Variants in ZC3H3 observed in about 807,000 individuals in gnomAD.
ZC3H3 encodes zinc finger CCCH domain-containing protein 3.
A neutral mutation model predicts 77.3 loss-of-function variants in ZC3H3; 36 were observed. The ratio of observed to expected loss-of-function variants is 0.47; its 90% CI spans 0.36 to 0.61. The LOEUF (loss-of-function observed/expected upper bound fraction) is 0.61. ZC3H3 is among the 20% of genes least tolerant of loss of function. The probability of loss-of-function intolerance (pLI) is 0.00; values close to 1 mark genes in which losing one functional copy is unlikely to be tolerated. For synonymous variants in ZC3H3, 626 were observed against 555.2 expected, an observed-to-expected ratio of 1.13 and a Z score of -1.79; for missense variants, 1,331 against 1,312.2, an observed-to-expected ratio of 1.01 and a Z score of -0.22.
chr8:143,498,107 C>T (rs1821406405), intron 4 of ZC3H3, among the ~76,000 whole-genome samples: 1 of 152,238 alleles, frequency 6.6e-6, no homozygotes, highest in Admixed American at 6.5e-5. Context: ...CTGGGCCACG[C>T]ACCGGGGCCC....
intron 9 of ZC3H3, among the ~76,000 whole-genome samples, chr8:143,457,932 GA>G (rs935370188): frequency 5.9e-5 from 9 of 151,314 alleles, no homozygotes; most frequent in African/African-American, 1.9e-4. Context: ...GAATGTAGAG[GA>G]AAAAAAACAG....
At position 143,494,821 on chromosome 8, in the gene ZC3H3, C is replaced by G. The variant is rs962654800; in HGVS notation, c.1715+12925G>C. On this transcript the variant is annotated intron_variant, in intron 4 of 11. Transcript: ENST00000262577. The surrounding 1 kb of genome is among the most constrained non-coding windows in gnomAD (Gnocchi z 5.3). The stretch of plus-strand genomic sequence containing the variant: ...AAGAATGAGGAGCCAGAATACCGGC[C>G]ACCAACGGGCAAACGGCCTGAGCAG... Among the ~76,000 whole-genome samples the G allele has an allele frequency of 1.1e-4, 16 of 152,234 alleles. No individual in the cohort carries two copies. The highest frequency in any genetic ancestry group is 2.4e-4 in the Non-Finnish European group (16 of 68,048).
In ZC3H3 at chr8:143,438,047, C is replaced by T; in HGVS notation, c.*9G>A. On this transcript the variant is annotated 3_prime_UTR_variant, in exon 12 of 12. Coordinates refer to ENST00000262577, the MANE Select transcript of ZC3H3 (RefSeq NM_015117.3). ...GTCTGAGGTAGGTGCAGGCCGGTCC[C>T]TGGGGTCCTCACAGACGTGGTTTGA... 1 of 1,610,550 alleles carries T rather than the reference C, an allele frequency of 6.2e-7. No homozygotes were observed. The highest frequency in any genetic ancestry group is 8.5e-7 in the Non-Finnish European group (1 of 1,178,670).
At chr8:143,513,737 G>A (rs1029814961) in intron 3 of ZC3H3, among the ~76,000 whole-genome samples, 1 of 152,222 alleles carries the variant, frequency 6.6e-6, no homozygotes, top group Non-Finnish European at 1.5e-5. Context: ...AGCTCTCGCT[G>A]TTCCTGGGAC....
intron 3 of ZC3H3, among the ~76,000 whole-genome samples, chr8:143,525,977 C>A (rs115222642): frequency 0.018 from 2,708 of 152,334 alleles, 78 homozygotes; most frequent in African/African-American, 0.061. Context: ...CATCGGCCTG[C>A]GGCTGGCCCA....
rs192191431 is a variant in ZC3H3 at position 143,460,933 on chromosome 8, G to C, written c.2307+4784C>G. ...AGGAGGCGCCTTCACTAACTAGTTA[G>C]GTGTCTAACTAGGGTTTGGGAAGCG... On this transcript the variant is annotated intron_variant, in intron 9 of 11. Coordinates refer to ENST00000262577, the MANE Select transcript of ZC3H3 (RefSeq NM_015117.3). This position sits in a 1 kb window ranked among gnomAD's most constrained non-coding sequence, Gnocchi z 4.0. Among the ~76,000 whole-genome samples, 45 of 152,282 alleles carry C rather than the reference G, an allele frequency of 3.0e-4. No individual in the cohort carries two copies. Among genetic ancestry groups the C allele is most frequent in the African/African-American group, 1.0e-3 (43 of 41,560 alleles).
intron 5 of ZC3H3, among the ~76,000 whole-genome samples, chr8:143,474,886 G>T (rs548819200): frequency 2.2e-4 from 34 of 152,334 alleles, no homozygotes; most frequent in Non-Finnish European, 4.4e-4. Flanking sequence ...AGACACAGTT[G>T]TCGAGGCGTC....
At chr8:143,443,974 CT>C (rs11316822) in intron 9 of ZC3H3, among the ~76,000 whole-genome samples, 81,296 of 137,594 alleles carry the variant, frequency 0.59, 23,658 homozygotes, top group Non-Finnish European at 0.64. Context: ...TCTTTTTTTC[CT>C]TTTTTTTTTT....
At chr8:143,470,758 G>C (rs1563845282) in intron 5 of ZC3H3, among the ~76,000 whole-genome samples, 2 of 152,244 alleles carry the variant, frequency 1.3e-5, no homozygotes. Context: ...GTTCTGACAA[G>C]AACAGGAGGC....
At chr8:143,486,225 G>A (rs568321637) in intron 4 of ZC3H3, among the ~76,000 whole-genome samples, 6 of 152,356 alleles carry the variant, frequency 3.9e-5, no homozygotes, top group East Asian at 1.9e-4. Context: ...ATGAGTTCCC[G>A]CCAGGCGCGG....
At chr8:143,496,273 C>T (rs1821348854) in intron 4 of ZC3H3, among the ~76,000 whole-genome samples, 1 of 152,214 alleles carries the variant, frequency 6.6e-6, no homozygotes, top group African/African-American at 2.4e-5. Flanking sequence ...AGGCCAAGAC[C>T]TTAGCACCAC....
intron 9 of ZC3H3, among the ~76,000 whole-genome samples, chr8:143,461,171 T>C (rs987585371): frequency 6.6e-6 from 1 of 152,192 alleles, no homozygotes; most frequent in Non-Finnish European, 1.5e-5. Flanking sequence ...TACACTAAAA[T>C]GGGTGAATTA....
At chr8:143,476,542 G>GCGGA (rs1323788970) in intron 4 of ZC3H3, among the ~76,000 whole-genome samples, 10 of 152,180 alleles carry the variant, frequency 6.6e-5, no homozygotes, top group Non-Finnish European at 1.0e-4. Flanking sequence ...CCACAGCCCT[G>GCGGA]CGGACCCTCG....
intron 4 of ZC3H3, among the ~76,000 whole-genome samples, chr8:143,482,293 G>A (rs1369892465): frequency 6.6e-6 from 1 of 152,268 alleles, no homozygotes; most frequent in Non-Finnish European, 1.5e-5. Flanking sequence ...CAGCACTGGG[G>A]AGGCCGGCCC....
Position 143,462,514 on chromosome 8 carries a change from G to C in ZC3H3, c.2307+3203C>G, listed in dbSNP as rs1185304000. 6.6e-6 allele frequency among the ~76,000 whole-genome samples: 1 copy of C among 152,264 alleles called. No individual in the cohort carries two copies. Among genetic ancestry groups the C allele is most frequent in the Non-Finnish European group, 1.5e-5 (1 of 68,050 alleles). ...ACAAAACCAAGACAGGCGCTGTCCA[G>C]AGGACACAGGAGCCCTTGCAAGCCT... is the stretch of plus-strand genomic sequence containing the variant. On this transcript the variant is annotated intron_variant, in intron 9 of 11. Transcript: ENST00000262577. The surrounding 1 kb of genome is among the most constrained non-coding windows in gnomAD (Gnocchi z 4.7).
At chr8:143,499,804 C>G (rs1210824248) in intron 4 of ZC3H3, among the ~76,000 whole-genome samples, 1 of 152,170 alleles carries the variant, frequency 6.6e-6, no homozygotes, top group African/African-American at 2.4e-5. Flanking sequence ...TGGCAAAGGC[C>G]CAAGCTCCCC....
intron 9 of ZC3H3, among the ~76,000 whole-genome samples, chr8:143,449,978 T>G (rs1819948906): frequency 6.6e-6 from 1 of 152,160 alleles, no homozygotes; most frequent in African/African-American, 2.4e-5. Context: ...CACAACAATT[T>G]AACAAGTCTC....
intron 8 of ZC3H3, 152 bp downstream of exon 8, chr8:143,468,057 T>A (rs142264947): frequency 1.1e-6 from 1 of 941,968 alleles, no homozygotes; most frequent in East Asian, 2.5e-5. Context: ...TGCAATGGGG[T>A]AGAGACGGTA....
At chr8:143,441,152 C>T (rs1490515429) in intron 9 of ZC3H3, 32 bp from the exon 10 acceptor site, 5 of 1,379,588 alleles carry the variant, frequency 3.6e-6, no homozygotes, top group African/African-American at 3.1e-5. Flanking sequence ...GTGGGTGGGC[C>T]GGCTGGAGGC....
Sources: gnomAD v4.1 joint callset for allele counts (sites outside exome capture counted in the v4.1 genomes callset) on GRCh38, gnomAD v4.1.1 for gene constraint, Gnocchi (gnomAD v3.1) non-coding constraint, MANE v1.5 for transcripts, NCBI Gene and HGNC (gene_info 2026-07-23, HGNC 2026-07-21) for gene names.